The following ZFPM1 variants were observed in gnomAD, a reference collection of about 807,000 sequenced individuals.
The protein encoded by ZFPM1 is zinc finger protein ZFPM1.
A neutral mutation model predicts 46.3 loss-of-function variants in ZFPM1; 28 were observed. The ratio of observed to expected loss-of-function variants is 0.60; its 90% CI spans 0.45 to 0.83. The LOEUF (loss-of-function observed/expected upper bound fraction) is 0.83. Among genes scored for constraint, ZFPM1 ranks in the 40% least tolerant of loss-of-function variants. The probability of loss-of-function intolerance (pLI) is 0.00; values close to 1 mark genes in which losing one functional copy is unlikely to be tolerated. For synonymous variants in ZFPM1, 957 were observed against 675.9 expected (o/e 1.42, Z -6.45); for missense variants, 1,878 against 1,432.4 (o/e 1.31, Z -5.02).
intron 3 of ZFPM1, among the ~76,000 whole-genome samples, chr16:88,499,840 C>T (rs1041533505): frequency 2.6e-5 from 4 of 152,204 alleles, no homozygotes; most frequent in Non-Finnish European, 4.4e-5. Context: ...TCCAGCCTCT[C>T]CGGGTCCAGC....
intron 4 of ZFPM1, among the ~76,000 whole-genome samples, chr16:88,521,339 T>C (rs547227771): frequency 6.6e-6 from 1 of 151,900 alleles, no homozygotes; most frequent in African/African-American, 2.4e-5. Flanking sequence ...GGTTCTGCCA[T>C]GGTGATGACC....
intron 1 of ZFPM1, among the ~76,000 whole-genome samples, chr16:88,477,646 G>C (rs1483426424): frequency 6.6e-6 from 1 of 152,216 alleles, no homozygotes; most frequent in Non-Finnish European, 1.5e-5. Flanking sequence ...AGTGAACCGT[G>C]ATTGCACAGG....
chr16:88,455,941 A>T (rs1400969454), intron 1 of ZFPM1, among the ~76,000 whole-genome samples: 1 of 152,102 alleles, frequency 6.6e-6, no homozygotes, highest in African/African-American at 2.4e-5. Context: ...GAGCTCCGAT[A>T]AGAGCCTGGC....
At chr16:88,522,363 A>AGCAGCC (rs1326497641) in intron 4 of ZFPM1, among the ~76,000 whole-genome samples, 3 of 152,178 alleles carry the variant, frequency 2.0e-5, no homozygotes, top group African/African-American at 4.8e-5. Context: ...CTGGGGCCTC[A>AGCAGCC]GCAGCCTCAG....
chr16:88,532,535 G>A, intron 7 of ZFPM1, 79 bp from the exon 8 acceptor site: 2 of 1,428,746 alleles, frequency 1.4e-6, no homozygotes, highest in Non-Finnish European at 1.9e-6. Context: ...CACGGCCCTG[G>A]GCCCAGTCGC....
intron 3 of ZFPM1, among the ~76,000 whole-genome samples, chr16:88,489,761 C>T (rs941949562): frequency 7.9e-5 from 12 of 152,248 alleles, no homozygotes; most frequent in Non-Finnish European, 2.9e-5. Flanking sequence ...CGTGTTCTCC[C>T]TGTGGCCCCT....
intron 1 of ZFPM1, among the ~76,000 whole-genome samples, chr16:88,456,247 C>A (rs1907554226): frequency 6.6e-6 from 1 of 152,208 alleles, no homozygotes; most frequent in South Asian, 2.1e-4. Context: ...GGGAGGACAC[C>A]CCGCCCCGAG....
intron 1 of ZFPM1, among the ~76,000 whole-genome samples, chr16:88,485,640 A>G (rs537780717): frequency 3.3e-5 from 5 of 151,518 alleles, no homozygotes; most frequent in African/African-American, 7.3e-5. Flanking sequence ...GGGTCTTGCC[A>G]TGTTGCCCAG....
At chr16:88,504,236 A>G (rs80000019) in intron 3 of ZFPM1, among the ~76,000 whole-genome samples, 1 of 152,140 alleles carries the variant, frequency 6.6e-6, no homozygotes, top group East Asian at 1.9e-4. Context: ...GCCCAGGCCG[A>G]TAGGACACAG....
At chr16:88,489,405 C>A in intron 3 of ZFPM1, 3 of 485,780 alleles carry the variant, frequency 6.2e-6, no homozygotes, top group Non-Finnish European at 1.1e-5. Context: ...TGGATCAGAG[C>A]CTGGTCTGGG....
At chr16:88,473,515 C>G (rs1049120313) in intron 1 of ZFPM1, among the ~76,000 whole-genome samples, 1 of 152,182 alleles carries the variant, frequency 6.6e-6, no homozygotes, top group African/African-American at 2.4e-5. Context: ...CCCGCTGCCC[C>G]GGGGTCTGGG....
At position 88,522,458 on chromosome 16, in the gene ZFPM1, G is replaced by C. The variant is rs146484512; in HGVS notation, c.403-4356G>C. On this transcript the variant is annotated intron_variant, in intron 4 of 9. Transcript: ENST00000319555. The stretch of plus-strand genomic sequence containing the variant: ...CCTGGGGATGACCAAGCAGCCCCAC[G>C]GGGCTTCTGCAGGACCGGCCGTTTG... Among the ~76,000 whole-genome samples the C allele has an allele frequency of 7.5e-3, 1,146 of 152,338 alleles. 15 individuals carry two copies. The highest frequency in any genetic ancestry group is 0.026 in the African/African-American group (1,070 of 41,572).
rs1342952259 is a variant in ZFPM1 at position 88,533,820 on chromosome 16, C to A, written c.1862C>A (p.Pro621Gln). ...CGCAGGCCCAAGGCGCCCCCCGGCC[C>A]GGCCCGCGCGCCCCCCGGCCAGCCC... ...AARRPKAPPG[P>Q]ARAPPGQPAE... The change falls in exon 10 of 10, where the codon CCG becomes CAG. Residue 621 changes from proline to glutamine, a missense_variant. Physicochemically the swap from Pro to Gln is moderately conservative, Grantham distance 76. Transcript: ENST00000319555. The A allele has an allele frequency of 9.9e-7, 1 of 1,014,510 alleles. No homozygotes were observed. The allele number at this position is 1,014,510 out of a possible 1,614,324, so 62.8% of individuals were successfully genotyped here.
At chr16:88,458,395 G>T (rs1037879330) in intron 1 of ZFPM1, among the ~76,000 whole-genome samples, 6 of 152,206 alleles carry the variant, frequency 3.9e-5, no homozygotes, top group Non-Finnish European at 8.8e-5. Context: ...TGGGACTGCC[G>T]TCAGCCCCGC....
chr16:88,468,152 C>G (rs1441185837), intron 1 of ZFPM1, among the ~76,000 whole-genome samples: 1 of 140,240 alleles, frequency 7.1e-6, no homozygotes, highest in Non-Finnish European at 1.5e-5. Flanking sequence ...TGCCCCTGAC[C>G]CACCCGCGAG....
intron 1 of ZFPM1, among the ~76,000 whole-genome samples, chr16:88,484,521 G>A (rs757591896): frequency 7.9e-5 from 12 of 152,322 alleles, no homozygotes; most frequent in East Asian, 1.9e-4. Flanking sequence ...CTTGGCGGCC[G>A]CAGGACCTGG....
Position 88,534,012 on chromosome 16 carries a change from G to A in ZFPM1, c.2054G>A (p.Cys685Tyr). The A allele has an allele frequency of 7.2e-7, 1 of 1,380,302 alleles. No individual in the cohort carries two copies. The highest frequency in any genetic ancestry group is 9.5e-7 in the Non-Finnish European group (1 of 1,051,108). 85.5% of individuals were successfully genotyped at this position (1,380,302 alleles called of 1,614,324 possible). Residue 685 changes from cysteine (C) to tyrosine (Y), a missense_variant, in exon 10 of 10, where the codon TGC becomes TAC. Physicochemically the swap from Cys to Tyr is radical, Grantham distance 194 (BLOSUM62 -2). Transcript: ENST00000319555. ...GAGGACGACCCCAGCCGCACGCTGT[G>A]CGAGGCCTGCAACATCCGCTTCAGC... is the stretch of plus-strand genomic sequence containing the variant. ...DAEDDPSRTL[C>Y]EACNIRFSRH...
intron 1 of ZFPM1, among the ~76,000 whole-genome samples, chr16:88,473,759 C>G (rs1262898637): frequency 1.3e-5 from 2 of 152,170 alleles, no homozygotes; most frequent in Non-Finnish European, 2.9e-5. Context: ...CTCCGGCGGG[C>G]TTGCAGCCGC....
intron 1 of ZFPM1, among the ~76,000 whole-genome samples, chr16:88,459,267 A>G (rs1034311744): frequency 3.9e-5 from 6 of 152,056 alleles, no homozygotes; most frequent in East Asian, 3.9e-4. Context: ...TCCCGTCCCC[A>G]CAGAGTGGGC....
Sources: gnomAD v4.1 joint callset for allele counts (sites outside exome capture counted in the v4.1 genomes callset) on GRCh38, gnomAD v4.1.1 for gene constraint, MANE v1.5 for transcripts, NCBI Gene and HGNC (gene_info 2026-07-23, HGNC 2026-07-21) for gene names.